The following SLIT2 variants were observed in gnomAD, a reference collection of about 807,000 sequenced individuals.
The protein encoded by SLIT2 is slit guidance ligand 2.
In SLIT2, 41 loss-of-function variants were observed where a neutral mutation model predicts 185.7. The observed-to-expected ratio is 0.22, with a 90% CI of 0.17 to 0.29. SLIT2 has a LOEUF of 0.29. Among genes scored for constraint, SLIT2 ranks in the 10% least tolerant of loss-of-function variants. The probability of loss-of-function intolerance (pLI) is 1.00; values close to 1 mark genes in which losing one functional copy is unlikely to be tolerated. For synonymous variants in SLIT2, 693 were observed against 680.2 expected (o/e 1.02, Z -0.29); for missense variants, 1,571 against 1,909.0 (o/e 0.82, Z 3.30).
At chr4:20,531,434 A>C (rs1721801211) in intron 16 of SLIT2, among the ~76,000 whole-genome samples, 1 of 152,190 alleles carries the variant, frequency 6.6e-6, no homozygotes, top group South Asian at 2.1e-4. Flanking sequence ...TAAAAGCAAA[A>C]AGTAACCTAG....
At chr4:20,424,580 ACAAT>A (rs1380361635) in intron 4 of SLIT2, among the ~76,000 whole-genome samples, 1 of 152,122 alleles carries the variant, frequency 6.6e-6, no homozygotes, top group Non-Finnish European at 1.5e-5. Context: ...CTTAGATTTG[ACAAT>A]CAAAATACAG....
At chr4:20,417,320 A>G (rs1349982917) in intron 4 of SLIT2, among the ~76,000 whole-genome samples, 1 of 150,502 alleles carries the variant, frequency 6.6e-6, no homozygotes, top group African/African-American at 2.4e-5. Flanking sequence ...TGTATTTCCT[A>G]CCCCTCTCTT....
At chr4:20,337,307 T>C (rs962305467) in intron 4 of SLIT2, among the ~76,000 whole-genome samples, 2 of 152,178 alleles carry the variant, frequency 1.3e-5, no homozygotes, top group Admixed American at 1.3e-4. Flanking sequence ...AGAAAGCTTG[T>C]GTGGGGAAAC....
At chr4:20,446,940 T>C (rs1711869454) in intron 4 of SLIT2, among the ~76,000 whole-genome samples, 1 of 152,228 alleles carries the variant, frequency 6.6e-6, no homozygotes, top group South Asian at 2.1e-4. Flanking sequence ...TAGGATCTGA[T>C]TTATTGTGAA....
intron 9 of SLIT2, among the ~76,000 whole-genome samples, chr4:20,509,018 GTGTGTGTGCA>G (rs745911465): frequency 1.8e-4 from 27 of 151,318 alleles, no homozygotes; most frequent in Admixed American, 4.0e-4. Context: ...TGTTACGCGT[GTGTGTGTGCA>G]TGTGTGTGTG....
At position 20,499,945 on chromosome 4, in the gene SLIT2, ATATC is replaced by A. The variant is rs562511383; in HGVS notation, c.914+8051_914+8054del. Among the ~76,000 whole-genome samples the A allele has an allele frequency of 7.5e-4, 114 of 152,338 alleles. 2 individuals carry two copies. In the South Asian group the frequency reaches 0.012, roughly 16 times the overall value. ...ATTTAGTAATATTTCAATCAGCAGA[ATATC>A]TATCATGCTATGCAAGTAGTTTATT... On this transcript the variant is annotated intron_variant, in intron 9 of 36. Transcript: ENST00000504154.
intron 12 of SLIT2, among the ~76,000 whole-genome samples, chr4:20,520,748 C>T (rs1250234014): frequency 6.6e-6 from 1 of 152,068 alleles, no homozygotes; most frequent in Non-Finnish European, 1.5e-5. Context: ...AATAATGAAC[C>T]TTATTATATG....
chr4:20,401,395 A>G (rs549288940), intron 4 of SLIT2, among the ~76,000 whole-genome samples: 2 of 151,998 alleles, frequency 1.3e-5, no homozygotes, highest in East Asian at 3.9e-4. Context: ...CTTTTTAACT[A>G]TCTGGCTTCC....
intron 17 of SLIT2, among the ~76,000 whole-genome samples, chr4:20,532,930 G>T (rs550508293): frequency 1.3e-5 from 2 of 152,142 alleles, no homozygotes; most frequent in African/African-American, 4.8e-5. Context: ...GCATAAAAAT[G>T]ATCCTTGTTT....
intron 4 of SLIT2, among the ~76,000 whole-genome samples, chr4:20,281,092 C>G (rs990127294): frequency 2.0e-5 from 3 of 152,126 alleles, no homozygotes; most frequent in Non-Finnish European, 2.9e-5. Context: ...CTCGGCCTCC[C>G]AAAGTGCTGG....
intron 29 of SLIT2, among the ~76,000 whole-genome samples, chr4:20,570,733 A>G (rs1345356043): frequency 2.5e-3 from 36 of 14,308 alleles, no homozygotes; most frequent in East Asian, 0.12. Context: ...ATATATATGT[A>G]TATATATATA....
At chr4:20,418,732 A>G (rs1727906863) in intron 4 of SLIT2, among the ~76,000 whole-genome samples, 3 of 152,152 alleles carry the variant, frequency 2.0e-5, no homozygotes, top group Admixed American at 2.0e-4. Context: ...CACATATTGA[A>G]ATTTGTTTTT....
Position 20,536,706 on chromosome 4 carries a change from C to CT in SLIT2, c.1833-2728dup, listed in dbSNP as rs540558322. 4.6e-3 allele frequency among the ~76,000 whole-genome samples: 701 copies of CT among 151,384 alleles called. 6 individuals carry two copies. Among genetic ancestry groups the CT allele is most frequent in the African/African-American group, 0.016 (668 of 41,342 alleles). The stretch of plus-strand genomic sequence containing the variant: ...CTTTATGAACTTTTTAATGTTTTAA[C>CT]TTTTTTTACTCTTTTGTAATAACAC... On this transcript the variant is annotated intron_variant, in intron 18 of 36. Coordinates refer to ENST00000504154, the MANE Select transcript of SLIT2 (RefSeq NM_004787.4).
At chr4:20,593,919 A>G (rs999392825) in intron 30 of SLIT2, among the ~76,000 whole-genome samples, 3 of 151,664 alleles carry the variant, frequency 2.0e-5, no homozygotes, top group Non-Finnish European at 4.4e-5. Flanking sequence ...ACACATATAT[A>G]TACACATATA....
intron 4 of SLIT2, among the ~76,000 whole-genome samples, chr4:20,363,255 C>T (rs552142470): frequency 6.6e-6 from 1 of 152,004 alleles, no homozygotes; most frequent in African/African-American, 2.4e-5. Flanking sequence ...TGATACATAA[C>T]ATGTACAGCA....
chr4:20,253,648 CTGAGTGGG>C lies in SLIT2; in HGVS notation c.-167_-160del. On this transcript the variant is annotated 5_prime_UTR_variant, in exon 1 of 37. Transcript: ENST00000504154. ...GGAGAGGGCGGTGGGAGGCGTGTGC[CTGAGTGGG>C]CTCTACTGCCTTGTTCCATATTATT... is the stretch of plus-strand genomic sequence containing the variant. 10 of 684,282 alleles carry C rather than the reference CTGAGTGGG, an allele frequency of 1.5e-5. No homozygotes were observed. The highest frequency in any genetic ancestry group is 2.3e-5 in the Non-Finnish European group (10 of 427,874). 42.4% of individuals were successfully genotyped at this position (684,282 alleles called of 1,614,324 possible). A position where few individuals can be genotyped will look rare whatever the true frequency, so the allele number is the denominator to read the frequency against.
intron 4 of SLIT2, among the ~76,000 whole-genome samples, chr4:20,405,696 T>G (rs1357054777): frequency 6.6e-6 from 1 of 152,004 alleles, no homozygotes; most frequent in African/African-American, 2.4e-5. Context: ...ATAAGAGATG[T>G]TATTTGGAAA....
intron 4 of SLIT2, among the ~76,000 whole-genome samples, chr4:20,346,113 C>G (rs893370423): frequency 6.6e-6 from 1 of 152,124 alleles, no homozygotes; most frequent in Non-Finnish European, 1.5e-5. Flanking sequence ...CCATCTCGGC[C>G]TCCCAAGTAG....
chr4:20,418,108 A>G (rs1727849271), intron 4 of SLIT2, among the ~76,000 whole-genome samples: 1 of 152,190 alleles, frequency 6.6e-6, no homozygotes. Context: ...CTGACCATCA[A>G]TATCAGTTGA....
Sources: allele counts gnomAD v4.1 joint callset (sites outside exome capture counted in the v4.1 genomes callset), GRCh38; gene constraint gnomAD v4.1.1; transcripts MANE v1.5; gene names NCBI Gene and HGNC (gene_info 2026-07-23, HGNC 2026-07-21).